TENM4: variants seen among roughly 807,000 people sequenced by gnomAD.
The protein encoded by TENM4 is teneurin transmembrane protein 4.
A neutral mutation model predicts 243.3 loss-of-function variants in TENM4; 82 were observed. That is an observed-to-expected ratio of 0.34 (90% CI 0.28 to 0.40). The LOEUF (loss-of-function observed/expected upper bound fraction) is 0.40. Among genes scored for constraint, TENM4 ranks in the 10% least tolerant of loss-of-function variants. The pLI, the probability that TENM4 is intolerant of heterozygous loss-of-function variation, is 1.00. For missense variants in TENM4, 3,138 were observed against 3,673.3 expected (o/e 0.85, Z 3.77); for synonymous variants, 1,412 against 1,456.3 (o/e 0.97, Z 0.69).
At chr11:78,668,894 G>A (rs1296827459) in intron 32 of TENM4, 43 bp downstream of exon 32, 3 of 1,537,294 alleles carry the variant, frequency 2.0e-6, no homozygotes, top group Admixed American at 1.8e-5. Context: ...GGTAGTAAGA[G>A]CACTTTATGG....
chr11:79,088,588 CTGAG>C (rs1687721628), intron 4 of TENM4, among the ~76,000 whole-genome samples: 1 of 152,132 alleles, frequency 6.6e-6, no homozygotes, highest in African/African-American at 2.4e-5. Flanking sequence ...GTTGGGGGGA[CTGAG>C]TGAGTTAGAA....
At chr11:78,665,236 T>C (rs571314335) in intron 32 of TENM4, among the ~76,000 whole-genome samples, 2 of 151,910 alleles carry the variant, frequency 1.3e-5, no homozygotes, top group Non-Finnish European at 2.9e-5. Context: ...ATTTCTTTTC[T>C]TTCTCTCTTT....
chr11:78,919,601 A>G (rs1856399771), intron 6 of TENM4, among the ~76,000 whole-genome samples: 1 of 152,068 alleles, frequency 6.6e-6, no homozygotes, highest in Admixed American at 6.5e-5. Context: ...TCCCTTTGTC[A>G]TCATATGAGG....
At chr11:79,175,292 G>T (rs560624329) in intron 3 of TENM4, among the ~76,000 whole-genome samples, 4 of 152,196 alleles carry the variant, frequency 2.6e-5, no homozygotes, top group African/African-American at 7.2e-5. Context: ...TTTTTCCACG[G>T]GTGATAGTAA....
chr11:78,657,997 A>T lies in TENM4; in HGVS notation c.*61T>A. ...AATCATTTTTTTAAAAGTACAACAC[A>T]GTCAGGTATGCGGCCACAAAAGAGT... On this transcript the variant is annotated 3_prime_UTR_variant, in exon 34 of 34. Transcript: ENST00000278550. 1 of 1,606,034 alleles carries T rather than the reference A, an allele frequency of 6.2e-7. No individual in the cohort carries two copies. The highest frequency in any genetic ancestry group is 8.5e-7 in the Non-Finnish European group (1 of 1,174,450).
intron 1 of TENM4, among the ~76,000 whole-genome samples, chr11:79,307,814 G>A (rs1856652253): frequency 6.6e-6 from 1 of 152,180 alleles, no homozygotes; most frequent in Non-Finnish European, 1.5e-5. Flanking sequence ...GGATCTTCCA[G>A]GTGGGGAGGA....
At chr11:78,806,586 G>A (rs1292200167) in intron 14 of TENM4, among the ~76,000 whole-genome samples, 1 of 152,196 alleles carries the variant, frequency 6.6e-6, no homozygotes, top group Non-Finnish European at 1.5e-5. Flanking sequence ...GTAACCCAGT[G>A]AGATACAGAT....
At chr11:79,074,214 A>G (rs1860481938) in intron 4 of TENM4, among the ~76,000 whole-genome samples, 1 of 152,076 alleles carries the variant, frequency 6.6e-6, no homozygotes, top group African/African-American at 2.4e-5. Flanking sequence ...AACAGATGGG[A>G]GGTCAGTTAT....
intron 3 of TENM4, among the ~76,000 whole-genome samples, chr11:79,157,682 A>G (rs938852957): frequency 1.3e-5 from 2 of 151,072 alleles, no homozygotes; most frequent in Admixed American, 1.3e-4. Context: ...CCACACTTCT[A>G]CTCCTCTTCT....
At chr11:79,323,060 C>A (rs1019342451) in intron 1 of TENM4, among the ~76,000 whole-genome samples, 2 of 152,206 alleles carry the variant, frequency 1.3e-5, no homozygotes, top group Non-Finnish European at 2.9e-5. Context: ...TAATCATGGG[C>A]ACTCACAGTA....
chr11:79,220,275 T>G (rs1864132454), intron 2 of TENM4, among the ~76,000 whole-genome samples: 1 of 152,160 alleles, frequency 6.6e-6, no homozygotes, highest in South Asian at 2.1e-4. Context: ...GATATCCTCA[T>G]TCTAAACATG....
In TENM4 at chr11:78,994,470, G is replaced by A. The variant is rs543284139; in HGVS notation, c.493+70268C>T. Among the ~76,000 whole-genome samples, 9 of 152,330 alleles carry A rather than the reference G, an allele frequency of 5.9e-5. No individual in the cohort carries two copies. In the East Asian group the frequency reaches 1.7e-3, roughly 29 times the overall value. On this transcript the variant is annotated intron_variant, in intron 6 of 33. Coordinates refer to ENST00000278550, the MANE Select transcript of TENM4 (RefSeq NM_001098816.3). ...GTTCTATCTGAACTCTACTACTTGG[G>A]AGTTTTATAAAGTTCCTCTAAGCTG...
At chr11:79,114,877 G>T (rs1332759824) in intron 4 of TENM4, among the ~76,000 whole-genome samples, 1 of 152,290 alleles carries the variant, frequency 6.6e-6, no homozygotes, top group Middle Eastern at 3.4e-3. Flanking sequence ...GAGTCAGAGA[G>T]AATAAGGGGT....
At chr11:79,202,169 A>G (rs1293735239) in intron 3 of TENM4, among the ~76,000 whole-genome samples, 2 of 152,126 alleles carry the variant, frequency 1.3e-5, no homozygotes, top group African/African-American at 4.8e-5. Context: ...TGGTCACAGC[A>G]CTGCCAGGAA....
In TENM4 at chr11:78,904,217, G is replaced by A. The variant is rs371698226; in HGVS notation, c.494-694C>T. Among the ~76,000 whole-genome samples the A allele has an allele frequency of 3.3e-5, 5 of 151,858 alleles. No homozygotes were observed. The East Asian group carries it at 5.8e-4, about 18-fold the overall frequency. On this transcript the variant is annotated intron_variant, in intron 6 of 33. Transcript: ENST00000278550. The stretch of plus-strand genomic sequence containing the variant: ...CTACTAAAAATACAAAAAATTAGCC[G>A]GGCGTGGTGGCGGGCGCCTGTAGTC...
chr11:78,752,229 G>A (rs1265939215), intron 19 of TENM4, among the ~76,000 whole-genome samples: 1 of 152,208 alleles, frequency 6.6e-6, no homozygotes. Flanking sequence ...GAACCAGAGA[G>A]GGCCCCTCAG....
intron 6 of TENM4, among the ~76,000 whole-genome samples, chr11:78,956,792 G>A (rs1435661561): frequency 2.0e-5 from 3 of 152,206 alleles, no homozygotes; most frequent in Non-Finnish European, 4.4e-5. Context: ...GAGGCTTGGA[G>A]TCATTTTAAA....
chr11:78,691,198 T>G (rs1167118126), intron 28 of TENM4, among the ~76,000 whole-genome samples: 1 of 152,160 alleles, frequency 6.6e-6, no homozygotes, highest in African/African-American at 2.4e-5. Flanking sequence ...GGACTGTGAG[T>G]GCTTGAGGTC....
chr11:79,086,856 A>T (rs1860822948), intron 4 of TENM4, among the ~76,000 whole-genome samples: 1 of 147,344 alleles, frequency 6.8e-6, no homozygotes, highest in African/African-American at 2.5e-5. Flanking sequence ...AAAAAAAAGG[A>T]AATATTACGA....
Sources: gnomAD v4.1 joint callset for allele counts (sites outside exome capture counted in the v4.1 genomes callset) on GRCh38, gnomAD v4.1.1 for gene constraint, MANE v1.5 for transcripts, NCBI Gene and HGNC (gene_info 2026-07-23, HGNC 2026-07-21) for gene names.